Variants in CSF2RA observed in about 807,000 individuals in gnomAD.
CSF2RA encodes colony stimulating factor 2 receptor subunit alpha.
Under a neutral mutation model 51.6 loss-of-function variants are expected in CSF2RA, and 42 were observed. That is an observed-to-expected ratio of 0.81 (90% CI 0.64 to 1.05). The LOEUF (loss-of-function observed/expected upper bound fraction) is 1.05. Ranked by LOEUF, CSF2RA falls within the 50% of genes least tolerant of loss-of-function variation. CSF2RA has a pLI of 0.00. For synonymous variants in CSF2RA, 222 were observed against 193.0 expected (o/e 1.15, Z -1.24); for missense variants, 530 against 501.1 (o/e 1.06, Z -0.55).
In CSF2RA at chrX:1,282,441, G is replaced by C. The variant is rs751750619; in HGVS notation, c.-26-237G>C. 7 of 594,490 alleles carry C rather than the reference G, an allele frequency of 1.2e-5. No individual in the cohort carries two copies. In the East Asian group the frequency reaches 2.0e-4, roughly 17 times the overall value. 36.8% of individuals were successfully genotyped at this position (594,490 alleles called of 1,614,324 possible). A position where few individuals can be genotyped will look rare whatever the true frequency, so the allele number is the denominator to read the frequency against. On this transcript the variant is annotated intron_variant, in intron 2 of 12. Transcript: ENST00000381529. ...GAGCCATGACCCATGAACCATGGAA[G>C]CTTGACTCTAGATTGACCATCTTGA... is the stretch of plus-strand genomic sequence containing the variant.
Position 1,290,511 on chromosome X carries a change from T to C in CSF2RA, c.646+2T>C. ...CACTTTTGGACACAAAGAAAATAGG[T>C]GAGAATAACACATATGATTTTCCTA... On this transcript the variant is annotated splice_donor_variant, in intron 7 of 12. Coordinates refer to ENST00000381529, the MANE Select transcript of CSF2RA (RefSeq NM_172245.4). LOFTEE classifies it high-confidence loss of function. 6.2e-7 allele frequency: 1 copy of C among 1,613,168 alleles called. No homozygotes were observed. The highest frequency in any genetic ancestry group is 8.5e-7 in the Non-Finnish European group (1 of 1,179,252).
chrX:1,312,633 A>C (rs1569514385), downstream of CSF2RA, among the ~76,000 whole-genome samples: 1 of 152,148 alleles, frequency 6.6e-6, no homozygotes. Context: ...ATCGCCACAG[A>C]TACCGAAACA....
chrX:1,287,598 C>A (rs2090890305), intron 4 of CSF2RA, among the ~76,000 whole-genome samples: 1 of 148,112 alleles, frequency 6.8e-6, no homozygotes, highest in Non-Finnish European at 1.5e-5. Flanking sequence ...TGCCCACCAC[C>A]ACACCTGGCT....
chrX:1,299,013 G>C (rs1388875465), intron 9 of CSF2RA, among the ~76,000 whole-genome samples: 1 of 152,158 alleles, frequency 6.6e-6, no homozygotes, highest in Non-Finnish European at 1.5e-5. Context: ...TGCCAGTGTG[G>C]CCCAGGGGTG....
chrX:1,314,205 G>A (rs184117072), downstream of CSF2RA, among the ~76,000 whole-genome samples: 6 of 48,598 alleles, frequency 1.2e-4, no homozygotes, highest in East Asian at 6.4e-4. Flanking sequence ...TTGCAGAACC[G>A]CACTGCACCT....
At chrX:1,301,683 A>G (rs1434602961) in intron 10 of CSF2RA, among the ~76,000 whole-genome samples, 3 of 122,314 alleles carry the variant, frequency 2.5e-5, no homozygotes, top group Non-Finnish European at 3.2e-5. Context: ...TGCAAGCTCC[A>G]CCTCCTGGGT....
At chrX:1,296,359 G>A in intron 9 of CSF2RA, among the ~76,000 whole-genome samples, 1 of 93,782 alleles carries the variant, frequency 1.1e-5, no homozygotes, top group South Asian at 4.0e-4. Context: ...GAACCCTACA[G>A]TCCCCTACTC....
intron 9 of CSF2RA, among the ~76,000 whole-genome samples, chrX:1,299,456 G>A (rs139419998): frequency 0.019 from 2,842 of 152,048 alleles, 94 homozygotes; most frequent in African/African-American, 0.065. Context: ...ACGGAGTCTC[G>A]CTCTGTCCCC....
At chrX:1,304,810 A>G (rs1455479275) in intron 11 of CSF2RA, among the ~76,000 whole-genome samples, 1 of 150,670 alleles carries the variant, frequency 6.6e-6, no homozygotes, top group Non-Finnish European at 1.5e-5. Context: ...GATTACAGGC[A>G]TGCACCACGA....
chrX:1,287,590 C>CCTG (rs2090887600), intron 4 of CSF2RA, among the ~76,000 whole-genome samples: 1 of 147,308 alleles, frequency 6.8e-6, no homozygotes, highest in East Asian at 2.0e-4. Flanking sequence ...ATTACAGGTG[C>CCTG]CCACCACCAC....
rs753015405 is a variant in CSF2RA at position 1,288,494 on chromosome X, GCT to G, written c.220-22_220-21del. The G allele has an allele frequency of 2.5e-6, 4 of 1,613,810 alleles. No homozygotes were observed. The East Asian group carries it at 8.9e-5, about 36-fold the overall frequency. ...GAGACAGAAGGTTGTTTCCTAATCG[GCT>G]CTGTCTGGTTGCAATTCTTCAGCTC... On this transcript the variant is annotated intron_variant, in intron 4 of 12. Transcript: ENST00000381529.
At chrX:1,287,374 C>T (rs188491368) in intron 4 of CSF2RA, among the ~76,000 whole-genome samples, 19 of 141,008 alleles carry the variant, frequency 1.3e-4, no homozygotes, top group African/African-American at 4.5e-4. Context: ...GGCTGGTCTC[C>T]AACTCCTGAC....
downstream of CSF2RA, among the ~76,000 whole-genome samples, chrX:1,310,901 G>T (rs185221909): frequency 6.6e-6 from 1 of 151,974 alleles, no homozygotes; most frequent in African/African-American, 2.4e-5. Context: ...TGCCTTTCTT[G>T]TAGTAATGAG....
At chrX:1,273,534 G>A (rs1306918511) in intron 1 of CSF2RA, among the ~76,000 whole-genome samples, 10 of 148,872 alleles carry the variant, frequency 6.7e-5, no homozygotes, top group African/African-American at 2.5e-4. Flanking sequence ...TCACTGTGAT[G>A]GCCAGGCTGG....
rs1157238086 is a variant in CSF2RA at position 1,305,667 on chromosome X, T to C, written c.1125+140T>C. The C allele has an allele frequency of 5.6e-6, 9 of 1,598,452 alleles. No homozygotes were observed. The East Asian group carries it at 1.1e-4, about 20-fold the overall frequency. On this transcript the variant is annotated intron_variant, in intron 12 of 12. Transcript: ENST00000381529. ...TCACCACCGGTGTGGCTGGAATCTG[T>C]ATCCCACTCCTGGGCCTTCTCCCGG... is the stretch of plus-strand genomic sequence containing the variant.
chrX:1,291,323 C>T (rs1188276976), intron 7 of CSF2RA, among the ~76,000 whole-genome samples: 3 of 148,782 alleles, frequency 2.0e-5, no homozygotes, highest in Non-Finnish European at 3.0e-5. Context: ...CCTTTCCTTC[C>T]TTCCTTCCTC....
chrX:1,311,293 C>G (rs1391718585), downstream of CSF2RA, among the ~76,000 whole-genome samples: 8 of 151,888 alleles, frequency 5.3e-5, no homozygotes. Flanking sequence ...GTACCTCCTT[C>G]CCTGCCTCTT....
chrX:1,320,623 G>C, the CSF2RA span, among the ~76,000 whole-genome samples: 2 of 149,086 alleles, frequency 1.3e-5, no homozygotes, highest in Non-Finnish European at 3.0e-5. Context: ...TCAGCCTCCT[G>C]AGTAGCTGGG....
At chrX:1,291,233 C>G (rs1309290703) in intron 7 of CSF2RA, among the ~76,000 whole-genome samples, 1 of 147,192 alleles carries the variant, frequency 6.8e-6, no homozygotes, top group African/African-American at 2.4e-5. Context: ...CCCTCTTTAC[C>G]TCCTTCCTTC....
Sources: allele counts gnomAD v4.1 joint callset (sites outside exome capture counted in the v4.1 genomes callset), GRCh38; gene constraint gnomAD v4.1.1; transcripts MANE v1.5; gene names NCBI Gene and HGNC (gene_info 2026-07-23, HGNC 2026-07-21).